SIGLEC1: variants seen among roughly 807,000 people sequenced by gnomAD.
The protein encoded by SIGLEC1 is sialic acid binding Ig like lectin 1.
A neutral mutation model predicts 148.0 loss-of-function variants in SIGLEC1; 132 were observed. The ratio of observed to expected loss-of-function variants is 0.89; its 90% CI spans 0.77 to 1.03. SIGLEC1 has a LOEUF of 1.03. Among genes scored for constraint, SIGLEC1 ranks in the 50% least tolerant of loss-of-function variants. SIGLEC1 has a pLI of 0.00. For missense variants in SIGLEC1, 2,253 were observed against 2,271.4 expected, an observed-to-expected ratio of 0.99 and a Z score of 0.16; for synonymous variants, 945 against 969.0, an observed-to-expected ratio of 0.98 and a Z score of 0.46.
Position 3,706,731 on chromosome 20 carries a change from AG to A in SIGLEC1, c.50-26del, listed in dbSNP as rs1279477331. The A allele has an allele frequency of 2.6e-6, 4 of 1,520,630 alleles. No homozygotes were observed. The African/African-American group carries it at 5.5e-5, about 21-fold the overall frequency. The allele number at this position is 1,520,630 out of a possible 1,614,324, so 94.2% of individuals were successfully genotyped here. On this transcript the variant is annotated intron_variant, in intron 2 of 21. Transcript: ENST00000344754. ...CCTGGGGGAAGAACGGCAGGGGGAC[AG>A]AGGGGAGGGTGATACAGGCCTCAGG... is the stretch of plus-strand genomic sequence containing the variant.
At chr20:3,702,940 T>G (rs1162405930) in intron 6 of SIGLEC1, 2 of 491,464 alleles carry the variant, frequency 4.1e-6, no homozygotes, top group Non-Finnish European at 3.6e-6. Flanking sequence ...AAATGGGAAA[T>G]CTAGGTTAAA....
In SIGLEC1 at chr20:3,691,295, G is replaced by C. The variant is rs763681323; in HGVS notation, c.4591+45C>G. The stretch of plus-strand genomic sequence containing the variant: ...GAGGAGGAAGAACTGAGGTGGGCGT[G>C]TGAGATGTGGGGAGACTAAGGCGGA... On this transcript the variant is annotated intron_variant, in intron 18 of 21. Transcript: ENST00000344754. 3 of 1,604,136 alleles carry C rather than the reference G, an allele frequency of 1.9e-6. No individual in the cohort carries two copies. The African/African-American group carries it at 4.0e-5, about 21-fold the overall frequency.
Position 3,697,145 on chromosome 20 carries a change from A to T in SIGLEC1, c.2320T>A (p.Cys774Ser). The change falls in exon 10 of 22, where the codon TGC becomes AGC. Residue 774 changes from cysteine to serine, a missense_variant. Cys to Ser is a moderately radical substitution (Grantham distance 112). Coordinates refer to ENST00000344754, the MANE Select transcript of SIGLEC1 (RefSeq NM_023068.4). ...GCACCAGCCTCAGTCAGGATGCGGCAGGCGTAAAGGGCAGCATCAGTTCTG... is the reference window on the plus strand; with the variant it reads ...GCACCAGCCTCAGTCAGGATGCGGCTGGCGTAAAGGGCAGCATCAGTTCTG... ...VARTDAALYA[C>S]RILTEAGAQL... 1 of 1,613,702 alleles carries T rather than the reference A, an allele frequency of 6.2e-7. No homozygotes were observed.
At chr20:3,690,836 TTTTTTTTTTC>T (rs1036071056) in intron 18 of SIGLEC1, among the ~76,000 whole-genome samples, 5 of 104,918 alleles carry the variant, frequency 4.8e-5, no homozygotes, top group African/African-American at 2.1e-4. Context: ...TTTCTTTTTT[TTTTTTTTTTC>T]TTGAGACAGA....
rs1555847913 is a variant in SIGLEC1 at position 3,696,120 on chromosome 20, C to CTATATATATA, written c.2683+456_2683+465dup. Among the ~76,000 whole-genome samples the CTATATATATA allele has an allele frequency of 1.5e-3, 163 of 106,054 alleles. 2 individuals carry two copies. Among genetic ancestry groups the CTATATATATA allele is most frequent in the African/African-American group, 7.4e-3 (160 of 21,764 alleles). 69.6% of individuals were successfully genotyped at this position (106,054 alleles called of 152,430 possible). A position where few individuals can be genotyped will look rare whatever the true frequency, so the allele number is the denominator to read the frequency against. On this transcript the variant is annotated intron_variant, in intron 11 of 21. Transcript: ENST00000344754. Reference sequence around the variant, plus strand: ...GCCTGAGGGAGGATTTTTATAGAGACTATATATATACACACACACAAACAC... The same window carrying CTATATATATA: ...GCCTGAGGGAGGATTTTTATAGAGACTATATATATATATATATATACACACACACAAACAC...
chr20:3,708,776 G>A (rs1226988167), intron 1 of SIGLEC1, among the ~76,000 whole-genome samples: 6 of 150,220 alleles, frequency 4.0e-5, no homozygotes, highest in South Asian at 2.1e-4. Flanking sequence ...AGCTGGGTGC[G>A]GTGGCTCACG....
Position 3,701,278 on chromosome 20 carries a change from C to T in SIGLEC1, c.1528+64G>A, listed in dbSNP as rs1052707515. ...GAGTCCACTAGACTTCTAGAAGGAACAGACTGGAGCAGGCTCCTCCTCAGG... is the reference window on the plus strand; with the variant it reads ...GAGTCCACTAGACTTCTAGAAGGAATAGACTGGAGCAGGCTCCTCCTCAGG... On this transcript the variant is annotated intron_variant, in intron 7 of 21. Transcript: ENST00000344754. 8 of 1,424,274 alleles carry T rather than the reference C, an allele frequency of 5.6e-6. 1 individual carries two copies. The Admixed American group carries it at 1.5e-4, about 27-fold the overall frequency. The allele number at this position is 1,424,274 out of a possible 1,614,324, so 88.2% of individuals were successfully genotyped here. A position where few individuals can be genotyped will look rare whatever the true frequency, so the allele number is the denominator to read the frequency against.
chr20:3,691,261 C>T (rs1475406975), intron 18 of SIGLEC1, 79 bp downstream of exon 18: 6 of 1,545,144 alleles, frequency 3.9e-6, no homozygotes, highest in African/African-American at 1.4e-5. Context: ...TCACTCTTGG[C>T]AGACAGAAGA....
Position 3,698,077 on chromosome 20 carries a change from C to G in SIGLEC1, c.1843G>C (p.Gly615Arg). The stretch of plus-strand genomic sequence containing the variant: ...AAAAGGAGGCCTCGCCGTCCAGCCC[C>G]GGCCCCAGCGGCATCAAGGTCCAGC... ...TRLDLDAAGA[G>R]AGRRGLLLCR... The change falls in exon 9 of 22, where the codon GGG (glycine) becomes CGG (arginine). Residue 615 changes from glycine (G) to arginine (R), a missense_variant. Physicochemically the swap from Gly to Arg is moderately radical, Grantham distance 125. Coordinates refer to ENST00000344754, the MANE Select transcript of SIGLEC1 (RefSeq NM_023068.4). 6.2e-7 allele frequency: 1 copy of G among 1,608,366 alleles called. No homozygotes were observed. Among genetic ancestry groups the G allele is most frequent in the South Asian group, 1.1e-5 (1 of 90,534 alleles).
Position 3,692,115 on chromosome 20 carries a change from G to A in SIGLEC1, c.4118C>T (p.Pro1373Leu). 6.2e-7 allele frequency: 1 copy of A among 1,606,970 alleles called. No individual in the cohort carries two copies. Among genetic ancestry groups the A allele is most frequent in the Non-Finnish European group, 8.5e-7 (1 of 1,178,470 alleles). ...AVIQCTVDSE[P>L]PAELALSHDG... Reference sequence around the variant, plus strand: ...ATGAGATAGGGCCAGCTCAGCAGGTGGCTCACTGTCCACAGTGCACTGTAT... The same window carrying A: ...ATGAGATAGGGCCAGCTCAGCAGGTAGCTCACTGTCCACAGTGCACTGTAT... The change falls in exon 17 of 22, where the codon CCA becomes CTA. Residue 1373 changes from proline (P) to leucine (L), a missense_variant. By Grantham distance (98) the Pro-to-Leu change is moderately conservative. Transcript: ENST00000344754.
intron 1 of SIGLEC1, among the ~76,000 whole-genome samples, chr20:3,712,239 C>T (rs190474724): frequency 2.0e-5 from 3 of 151,524 alleles, no homozygotes; most frequent in African/African-American, 4.9e-5. Flanking sequence ...GGGTGATGGT[C>T]GGGACTGGGA....
At chr20:3,706,126 C>A in intron 3 of SIGLEC1, 86 bp from the exon 4 acceptor site, 1 of 1,442,660 alleles carries the variant, frequency 6.9e-7, no homozygotes, top group Non-Finnish European at 9.4e-7. Flanking sequence ...AGGAGAGAGC[C>A]CTGGGGAGGG....
Position 3,703,158 on chromosome 20 carries a change from TCTGA to T in SIGLEC1, c.1228+35_1228+38del, listed in dbSNP as rs375360902. On this transcript the variant is annotated intron_variant, in intron 6 of 21. Coordinates refer to ENST00000344754, the MANE Select transcript of SIGLEC1 (RefSeq NM_023068.4). ...TTGGGGCTCCACCATCTGGTCCTGC[TCTGA>T]CTGTGTCCAGTGCCACCCCACCCTG... 1.1e-3 allele frequency: 1,754 copies of T among 1,612,162 alleles called. 9 individuals are homozygous for T. In the African/African-American group the frequency reaches 0.02, roughly 19 times the overall value.
chr20:3,689,383 T>A (rs2088732185), intron 20 of SIGLEC1, 156 bp from the exon 21 acceptor site: 1 of 732,028 alleles, frequency 1.4e-6, no homozygotes. Context: ...GCCCTTGCTT[T>A]AGCACAGCCA....
At chr20:3,700,653 C>T (rs956137988) in intron 7 of SIGLEC1, among the ~76,000 whole-genome samples, 1 of 151,762 alleles carries the variant, frequency 6.6e-6, no homozygotes, top group African/African-American at 2.4e-5. Flanking sequence ...AAGGACAGTG[C>T]ACATACCGAA....
intron 11 of SIGLEC1, 147 bp from the exon 12 acceptor site, chr20:3,695,070 G>T: frequency 1.3e-6 from 1 of 788,628 alleles, no homozygotes; most frequent in Non-Finnish European, 2.0e-6. Flanking sequence ...GGCCCACTCA[G>T]CCCTATGCCT....
At position 3,705,862 on chromosome 20, in the gene SIGLEC1, G is replaced by A. The variant is rs181608038; in HGVS notation, c.588C>T (p.Val196=). The A allele has an allele frequency of 1.7e-4, 278 of 1,614,118 alleles. 3 individuals are homozygous for A. The East Asian group carries it at 2.8e-3, about 16-fold the overall frequency. The change falls in exon 4 of 22, where the codon GTC becomes GTT. Residue 196 remains valine, a synonymous_variant. Coordinates refer to ENST00000344754, the MANE Select transcript of SIGLEC1 (RefSeq NM_023068.4). ...FNSQKFEPTG[V]GHLETLHMAM... Reference sequence around the variant, plus strand: ...CCATGTGGAGGGTCTCCAGGTGGCCGACGCCGGTGGGCTCAAACTTCTGGC... The same window carrying A: ...CCATGTGGAGGGTCTCCAGGTGGCCAACGCCGGTGGGCTCAAACTTCTGGC...
chr20:3,707,154 G>A lies in SIGLEC1; in HGVS notation c.-26C>T. 6.2e-7 allele frequency: 1 copy of A among 1,612,382 alleles called. No individual in the cohort carries two copies. Among genetic ancestry groups the A allele is most frequent in the Non-Finnish European group, 8.5e-7 (1 of 1,178,632 alleles). On this transcript the variant is annotated 5_prime_UTR_variant, in exon 2 of 22. Coordinates refer to ENST00000344754, the MANE Select transcript of SIGLEC1 (RefSeq NM_023068.4). ...AGCAGGTTCTTGTGCTGCTCCTGTT[G>A]CCTAAGAGGGTGGTGCGCACTGCGC...
intron 17 of SIGLEC1, 43 bp from the exon 18 acceptor site, chr20:3,691,643 T>C (rs1162522585): frequency 6.3e-7 from 1 of 1,594,486 alleles, no homozygotes; most frequent in East Asian, 2.2e-5. Context: ...TCTGTAGGCC[T>C]TGGGGGCTGG....
Sources: gnomAD v4.1 joint callset for allele counts (sites outside exome capture counted in the v4.1 genomes callset) on GRCh38, gnomAD v4.1.1 for gene constraint, MANE v1.5 for transcripts, NCBI Gene and HGNC (gene_info 2026-07-23, HGNC 2026-07-21) for gene names.